Variants in FBXO31 observed in about 807,000 individuals in gnomAD.
FBXO31 encodes F-box only protein 31.
Under a neutral mutation model 54.4 loss-of-function variants are expected in FBXO31, and 24 were observed. That is an observed-to-expected ratio of 0.44 (90% confidence interval 0.32 to 0.62). FBXO31 has a LOEUF of 0.62. Ranked by LOEUF, FBXO31 falls within the 20% of genes least tolerant of loss-of-function variation. The pLI is 0.05. For missense variants in FBXO31, 665 were observed against 787.1 expected (o/e 0.84, Z 1.86); for synonymous variants, 388 against 335.6 (o/e 1.16, Z -1.71).
At chr16:87,342,249 C>T (rs570030576) in intron 5 of FBXO31, among the ~76,000 whole-genome samples, 1 of 152,200 alleles carries the variant, frequency 6.6e-6, no homozygotes, top group East Asian at 1.9e-4. Context: ...GAGACAGGGT[C>T]TCACTATGTT....
chr16:87,390,513 T>G (rs1244286329), upstream of FBXO31, among the ~76,000 whole-genome samples: 1 of 151,656 alleles, frequency 6.6e-6, no homozygotes, highest in Non-Finnish European at 1.5e-5. Flanking sequence ...GGATCTTGGC[T>G]CGCTGCAACC....
chr16:87,365,309 C>T (rs761880215), intron 1 of FBXO31, among the ~76,000 whole-genome samples: 10 of 151,800 alleles, frequency 6.6e-5, no homozygotes, highest in Non-Finnish European at 1.2e-4. Context: ...ACCAATCCCA[C>T]TCCTTAAAAC....
chr16:87,371,326 G>A (rs751614725), intron 1 of FBXO31, among the ~76,000 whole-genome samples: 2 of 152,182 alleles, frequency 1.3e-5, no homozygotes, highest in African/African-American at 2.4e-5. Context: ...TGGCACCCAC[G>A]ACAGGCACCC....
chr16:87,364,256 G>T (rs1196779701), intron 1 of FBXO31, among the ~76,000 whole-genome samples: 1 of 152,214 alleles, frequency 6.6e-6, no homozygotes, highest in Non-Finnish European at 1.5e-5. Context: ...CAGGAGGGCT[G>T]ACCCCAGGGA....
Position 87,346,849 on chromosome 16 carries a change from C to G in FBXO31, c.489+325G>C, listed in dbSNP as rs1176024399. ...GGGCAAAGACCAGGAACGGAAGGAC[C>G]TGGCTGAGGGCGGGCTCCAGACCCC... On this transcript the variant is annotated intron_variant, in intron 3 of 8. Transcript: ENST00000311635. The surrounding 1 kb of genome is among the most constrained non-coding windows in gnomAD (Gnocchi z 4.2). Among the ~76,000 whole-genome samples, 1 of 152,188 alleles carries G rather than the reference C, an allele frequency of 6.6e-6. No individual in the cohort carries two copies. Among genetic ancestry groups the G allele is most frequent in the Non-Finnish European group, 1.5e-5 (1 of 68,034 alleles).
intron 2 of FBXO31, among the ~76,000 whole-genome samples, chr16:87,353,677 G>A (rs1342876860): frequency 6.6e-6 from 1 of 151,932 alleles, no homozygotes; most frequent in Non-Finnish European, 1.5e-5. Flanking sequence ...TCCAGCCTGT[G>A]AGAGGCGGGA....
intron 1 of FBXO31, among the ~76,000 whole-genome samples, chr16:87,372,172 C>T (rs1597376764): frequency 6.6e-6 from 1 of 152,026 alleles, no homozygotes; most frequent in African/African-American, 2.4e-5. Context: ...GGCAGTGAGC[C>T]GAGATCATGC....
chr16:87,364,100 G>C (rs150488918), intron 1 of FBXO31, among the ~76,000 whole-genome samples: 1 of 152,154 alleles, frequency 6.6e-6, no homozygotes, highest in East Asian at 1.9e-4. Flanking sequence ...TGGTTATGTT[G>C]ATACAACACA....
rs1263220581 is a variant in FBXO31 at position 87,346,861 on chromosome 16, G to A, written c.489+313C>T. ...GGAACGGAAGGACCTGGCTGAGGGC[G>A]GGCTCCAGACCCCGCCAACATGTGC... On this transcript the variant is annotated intron_variant, in intron 3 of 8. Transcript: ENST00000311635. The surrounding 1 kb of genome is among the most constrained non-coding windows in gnomAD (Gnocchi z 4.2). Among the ~76,000 whole-genome samples the A allele has an allele frequency of 2.0e-5, 3 of 152,198 alleles. No individual in the cohort carries two copies. The highest frequency in any genetic ancestry group is 4.4e-5 in the Non-Finnish European group (3 of 68,042).
rs188155725 is a variant in FBXO31, at chr16:87,358,024, A to G, written c.412+2271T>C. Among the ~76,000 whole-genome samples, 49 of 152,348 alleles carry G rather than the reference A, an allele frequency of 3.2e-4. No homozygotes were observed. Among genetic ancestry groups the G allele is most frequent in the African/African-American group, 1.1e-3 (45 of 41,570 alleles). On this transcript the variant is annotated intron_variant, in intron 2 of 8. Transcript: ENST00000311635. This position sits in a 1 kb window ranked among gnomAD's most constrained non-coding sequence, Gnocchi z 4.0. ...CTATTAAAATGTGATTAAAACTAATAAAGGTCAGAAGTCAAATATTCATAT... is the reference window on the plus strand; with the variant it reads ...CTATTAAAATGTGATTAAAACTAATGAAGGTCAGAAGTCAAATATTCATAT...
rs1904965008 is a variant in FBXO31, at chr16:87,334,156, C to T, written c.1127G>A (p.Arg376Lys). The T allele has an allele frequency of 6.2e-7, 1 of 1,612,496 alleles. No individual in the cohort carries two copies. Among genetic ancestry groups the T allele is most frequent in the African/African-American group, 1.3e-5 (1 of 74,940 alleles). Reference protein sequence around the residue: ...LSRIVLEVRERVRQEQQEGGH... With the variant: ...LSRIVLEVREKVRQEQQEGGH... The stretch of plus-strand genomic sequence containing the variant: ...GCCTTCCTGCTGCTCCTGGCGCACC[C>T]TCTCGCGCACCTCCAGGACGATGCG... The change falls in exon 8 of 9, where the codon AGG becomes AAG. Residue 376 changes from arginine (R) to lysine (K), a missense_variant. Around this residue, in one of 4 missense-constraint regions of FBXO31, gnomAD observed 165 missense variants for 159.7 expected, o/e 1.03. Transcript: ENST00000311635.
At chr16:87,375,693 C>T (rs933524409) in intron 1 of FBXO31, among the ~76,000 whole-genome samples, 4 of 152,042 alleles carry the variant, frequency 2.6e-5, no homozygotes, top group African/African-American at 7.3e-5. Context: ...AGGCCGAGGG[C>T]GACACATCAA....
At chr16:87,342,651 G>T (rs575791689) in intron 5 of FBXO31, among the ~76,000 whole-genome samples, 2 of 152,324 alleles carry the variant, frequency 1.3e-5, no homozygotes, top group Non-Finnish European at 2.9e-5. Context: ...TGTGTGGTTC[G>T]TTCGTTCTGC....
intron 3 of FBXO31, 122 bp from the exon 4 acceptor site, chr16:87,343,887 T>G: frequency 9.7e-7 from 1 of 1,030,970 alleles, no homozygotes; most frequent in Non-Finnish European, 1.4e-6. Flanking sequence ...ACATGGGACC[T>G]GCACGCCCAC....
chr16:87,344,544 A>C (rs1012531973), intron 3 of FBXO31, among the ~76,000 whole-genome samples: 27 of 152,040 alleles, frequency 1.8e-4, no homozygotes, highest in East Asian at 5.8e-4. Context: ...GAATTCCATC[A>C]TTTCTGTGGC....
upstream of FBXO31, among the ~76,000 whole-genome samples, chr16:87,387,348 C>A (rs1185414335): frequency 6.6e-6 from 1 of 152,130 alleles, no homozygotes; most frequent in Admixed American, 6.5e-5. Context: ...CGAGGAAGAA[C>A]TAGATAGAAG....
chr16:87,350,901 G>A (rs368921606), intron 2 of FBXO31, among the ~76,000 whole-genome samples: 18 of 152,234 alleles, frequency 1.2e-4, no homozygotes, highest in South Asian at 8.3e-4. Flanking sequence ...AGCAGCCTGC[G>A]AGATGCCAGT....
chr16:87,369,162 G>A (rs1460524239), intron 1 of FBXO31, among the ~76,000 whole-genome samples: 1 of 151,792 alleles, frequency 6.6e-6, no homozygotes, highest in African/African-American at 2.4e-5. Context: ...TATGTGAAGT[G>A]GCAATTTAGT....
chr16:87,365,945 T>G (rs937192761), intron 1 of FBXO31, among the ~76,000 whole-genome samples: 2 of 152,110 alleles, frequency 1.3e-5, no homozygotes, highest in Non-Finnish European at 2.9e-5. Context: ...GAAGAATCGC[T>G]GGGAATCCGG....
Sources: allele counts gnomAD v4.1 joint callset (sites outside exome capture counted in the v4.1 genomes callset), GRCh38; gene constraint gnomAD v4.1.1; regional missense constraint gnomAD v4.1.1; non-coding constraint Gnocchi (gnomAD v3.1); transcripts MANE v1.5; gene names NCBI Gene and HGNC (gene_info 2026-07-23, HGNC 2026-07-21).